The following ACSM2A variants were observed in gnomAD, a reference collection of about 807,000 sequenced individuals.
ACSM2A encodes the protein acyl-coenzyme A synthetase ACSM2A, mitochondrial.
ACSM2A carries 72 observed loss-of-function variants against 76.6 expected under a neutral mutation model. The ratio of observed to expected loss-of-function variants is 0.94; its 90% CI spans 0.78 to 1.14. The LOEUF (loss-of-function observed/expected upper bound fraction) is 1.14, where lower values mean the gene tolerates loss of function less well. Ranked by LOEUF, ACSM2A falls within the 50% of genes most tolerant of loss-of-function variation. The pLI is 0.00. For synonymous variants in ACSM2A, 249 were observed against 255.9 expected (o/e 0.97, Z 0.26); for missense variants, 684 against 708.5 (o/e 0.97, Z 0.39).
intron 2 of ACSM2A, among the ~76,000 whole-genome samples, chr16:20,463,385 A>G (rs982910680): frequency 6.6e-6 from 1 of 151,242 alleles, no homozygotes; most frequent in African/African-American, 2.4e-5. Context: ...AATGTAATCC[A>G]CAGAGTTGGA....
Position 20,469,499 on chromosome 16 carries a change from T to C in ACSM2A, c.389-13T>C, listed in dbSNP as rs745408771. 6 of 1,610,524 alleles carry C rather than the reference T, an allele frequency of 3.7e-6. No homozygotes were observed. The highest frequency in any genetic ancestry group is 1.3e-5 in the African/African-American group (1 of 74,770). Reference sequence around the variant, plus strand: ...TCATCCTTTCCAATTCTCTAAATTGTTGGCTTCTTTAGGTCTCATCTTTAT... The same window carrying C: ...TCATCCTTTCCAATTCTCTAAATTGCTGGCTTCTTTAGGTCTCATCTTTAT... On this transcript the variant is annotated splice_polypyrimidine_tract_variant and intron_variant, in intron 3 of 13. Transcript: ENST00000573854.
intron 13 of ACSM2A, among the ~76,000 whole-genome samples, chr16:20,483,659 G>T (rs980836125): frequency 7.8e-6 from 1 of 128,336 alleles, no homozygotes. Context: ...CCTGAAAAAT[G>T]ACCTCAGCTT....
At chr16:20,469,869 GGT>G (rs1491068679) in intron 4 of ACSM2A, 150 bp downstream of exon 4, 1 of 824,606 alleles carries the variant, frequency 1.2e-6, no homozygotes, top group Non-Finnish European at 1.7e-6. Context: ...CTAACACAAG[GGT>G]ATTTTTTTTT....
intron 3 of ACSM2A, among the ~76,000 whole-genome samples, chr16:20,467,046 G>C (rs2013041429): frequency 6.6e-6 from 1 of 152,172 alleles, no homozygotes; most frequent in Non-Finnish European, 1.5e-5. Flanking sequence ...GATGAGCAAA[G>C]ATAGATAGCT....
chr16:20,475,211 G>A, intron 6 of ACSM2A, 151 bp from the exon 7 acceptor site: 5 of 1,511,794 alleles, frequency 3.3e-6, no homozygotes, highest in Non-Finnish European at 4.5e-6. Context: ...GAGTTGTGGG[G>A]CTCATTTAAC....
At position 20,480,961 on chromosome 16, in the gene ACSM2A, A is replaced by G. The variant is rs1310468820; in HGVS notation, c.1509+40A>G. On this transcript the variant is annotated intron_variant, in intron 12 of 13. Coordinates refer to ENST00000573854, the MANE Select transcript of ACSM2A (RefSeq NM_001308172.2). ...GTAGCCTGGGGGTGAACACATATGA[A>G]CACAAGGGCAGTGTAGTATGATGGT... The G allele has an allele frequency of 2.5e-6, 4 of 1,612,108 alleles. No individual in the cohort carries two copies. In the South Asian group the frequency reaches 4.4e-5, roughly 18 times the overall value.
intron 1 of ACSM2A, among the ~76,000 whole-genome samples, chr16:20,459,581 C>T (rs915353161): frequency 3.3e-5 from 5 of 152,166 alleles, no homozygotes; most frequent in African/African-American, 1.2e-4. Context: ...CTGGGTTATG[C>T]AAGTCTCATG....
intron 2 of ACSM2A, among the ~76,000 whole-genome samples, chr16:20,461,171 G>C (rs2012600919): frequency 7.0e-6 from 1 of 143,822 alleles, no homozygotes; most frequent in Non-Finnish European, 1.5e-5. Flanking sequence ...TAATACATTG[G>C]TGCTCAAAAA....
intron 2 of ACSM2A, 83 bp from the exon 3 acceptor site, chr16:20,465,434 A>G (rs1457373610): frequency 2.3e-5 from 35 of 1,539,944 alleles, no homozygotes; most frequent in East Asian, 1.9e-4. Context: ...CTAAGCACCA[A>G]CTTGGCAATC....
chr16:20,455,758 C>A (rs1392200899), intron 1 of ACSM2A, among the ~76,000 whole-genome samples: 15 of 149,362 alleles, frequency 1.0e-4, no homozygotes, highest in Non-Finnish European at 2.1e-4. Flanking sequence ...CCAAGCTACA[C>A]AGGCAACAAA....
intron 1 of ACSM2A, among the ~76,000 whole-genome samples, chr16:20,457,059 T>C (rs527262733): frequency 6.6e-6 from 1 of 152,080 alleles, no homozygotes; most frequent in African/African-American, 2.4e-5. Flanking sequence ...TTGGAGGAGA[T>C]GGATAAATTC....
chr16:20,455,337 C>T (rs1040032251), intron 1 of ACSM2A, among the ~76,000 whole-genome samples: 4 of 151,296 alleles, frequency 2.6e-5, no homozygotes, highest in African/African-American at 7.3e-5. Context: ...TGCCTAGGCA[C>T]ATTGTCATCA....
intron 8 of ACSM2A, chr16:20,476,493 T>C (rs1349935857): frequency 1.0e-6 from 1 of 985,310 alleles, no homozygotes; most frequent in Non-Finnish European, 1.2e-6. Flanking sequence ...CTCTGTGGTA[T>C]GAAAGAGCCA....
At chr16:20,469,255 C>G (rs1429722023) in intron 3 of ACSM2A, among the ~76,000 whole-genome samples, 4 of 152,110 alleles carry the variant, frequency 2.6e-5, no homozygotes, top group Non-Finnish European at 5.9e-5. Context: ...GTGTCTTAGA[C>G]TATCAACAAT....
chr16:20,471,801 G>A, intron 6 of ACSM2A, 112 bp downstream of exon 6: 1 of 1,518,232 alleles, frequency 6.6e-7, no homozygotes, highest in Non-Finnish European at 8.9e-7. Flanking sequence ...CCCCTGCCAT[G>A]TGGTGAACAG....
intron 3 of ACSM2A, 134 bp downstream of exon 3, chr16:20,465,861 T>A (rs1014273403): frequency 4.9e-6 from 7 of 1,431,312 alleles, no homozygotes; most frequent in Non-Finnish European, 6.4e-6. Flanking sequence ...AAGAAAGACA[T>A]CTCCCTACTT....
At chr16:20,464,387 T>C (rs1230584579) in intron 2 of ACSM2A, among the ~76,000 whole-genome samples, 1 of 152,196 alleles carries the variant, frequency 6.6e-6, no homozygotes, top group East Asian at 1.9e-4. Flanking sequence ...AGAGATTTAA[T>C]TGGCCCAAAG....
At chr16:20,474,860 T>A (rs1234933882) in intron 6 of ACSM2A, among the ~76,000 whole-genome samples, 1 of 152,248 alleles carries the variant, frequency 6.6e-6, no homozygotes, top group African/African-American at 2.4e-5. Flanking sequence ...AGCACTTGTT[T>A]TGAAATGTCT....
rs1454631724 is a variant in ACSM2A at position 20,465,418 on chromosome 16, A to G, written c.178-99A>G. 4 of 1,479,832 alleles carry G rather than the reference A, an allele frequency of 2.7e-6. No individual in the cohort carries two copies. In the East Asian group the frequency reaches 7.3e-5, roughly 27 times the overall value. 91.7% of individuals were successfully genotyped at this position (1,479,832 alleles called of 1,614,324 possible). ...TTGTATGGAGGTGCTGAGATAAAAAACCTTACTAAGCACCAACTTGGCAAT... is the reference window on the plus strand; with the variant it reads ...TTGTATGGAGGTGCTGAGATAAAAAGCCTTACTAAGCACCAACTTGGCAAT... On this transcript the variant is annotated intron_variant, in intron 2 of 13. Coordinates refer to ENST00000573854, the MANE Select transcript of ACSM2A (RefSeq NM_001308172.2).
Sources: gnomAD v4.1 joint callset for allele counts (sites outside exome capture counted in the v4.1 genomes callset) on GRCh38, gnomAD v4.1.1 for gene constraint, MANE v1.5 for transcripts, NCBI Gene and HGNC (gene_info 2026-07-23, HGNC 2026-07-21) for gene names.